GALNT5: variants seen among roughly 807,000 people sequenced by gnomAD.
GALNT5 encodes polypeptide N-acetylgalactosaminyltransferase 5, also known as UDP-GalNAc:polypeptide N-acetylgalactosaminyltransferase 5.
A neutral mutation model predicts 85.4 loss-of-function variants in GALNT5; 72 were observed. The observed-to-expected ratio is 0.84, with a 90% CI of 0.70 to 1.03. The LOEUF (loss-of-function observed/expected upper bound fraction) is 1.03, where lower values mean the gene tolerates loss of function less well. Ranked by LOEUF, GALNT5 falls within the 50% of genes least tolerant of loss-of-function variation. The pLI, the probability that GALNT5 is intolerant of heterozygous loss-of-function variation, is 0.00. For missense variants in GALNT5, 1,137 were observed against 1,135.5 expected, an observed-to-expected ratio of 1.00 and a Z score of -0.02; for synonymous variants, 404 against 397.0, an observed-to-expected ratio of 1.02 and a Z score of -0.21.
chr2:157,268,874 G>C (rs1199693764), intron 1 of GALNT5, among the ~76,000 whole-genome samples: 2 of 152,050 alleles, frequency 1.3e-5, no homozygotes, highest in Non-Finnish European at 1.5e-5. Context: ...TAATAAATAG[G>C]CATATAGAAT....
intron 3 of GALNT5, among the ~76,000 whole-genome samples, chr2:157,291,932 T>C (rs906404251): frequency 1.2e-4 from 18 of 152,146 alleles, no homozygotes; most frequent in East Asian, 3.9e-4. Flanking sequence ...TTTGAGGTGA[T>C]TGATATGCTA....
intron 1 of GALNT5, among the ~76,000 whole-genome samples, chr2:157,270,466 A>G (rs1682558245): frequency 6.6e-6 from 1 of 152,166 alleles, no homozygotes; most frequent in African/African-American, 2.4e-5. Context: ...TATTACATTA[A>G]CAGATAACCC....
chr2:157,260,015 T>TA (rs761190328), intron 1 of GALNT5, among the ~76,000 whole-genome samples: 5 of 152,240 alleles, frequency 3.3e-5, no homozygotes, highest in Non-Finnish European at 5.9e-5. Context: ...TTCTGCCTAA[T>TA]CATAAGTAAT....
chr2:157,266,841 T>C (rs1682468041), intron 1 of GALNT5, among the ~76,000 whole-genome samples: 1 of 152,236 alleles, frequency 6.6e-6, no homozygotes, highest in Admixed American at 6.5e-5. Context: ...AAAACACCTC[T>C]CTTCCTTATA....
intron 3 of GALNT5, among the ~76,000 whole-genome samples, chr2:157,294,446 G>C (rs887536697): frequency 6.6e-6 from 1 of 152,158 alleles, no homozygotes; most frequent in Non-Finnish European, 1.5e-5. Flanking sequence ...AGTCAGAGTC[G>C]AGCAAAGTGT....
intron 7 of GALNT5, among the ~76,000 whole-genome samples, chr2:157,304,785 C>T (rs1683418143): frequency 6.6e-6 from 1 of 152,160 alleles, no homozygotes; most frequent in African/African-American, 2.4e-5. Context: ...CTAAGCTAAG[C>T]ATGTAAAATT....
chr2:157,276,455 G>T (rs1682729051), intron 1 of GALNT5, among the ~76,000 whole-genome samples: 1 of 152,112 alleles, frequency 6.6e-6, no homozygotes, highest in South Asian at 2.1e-4. Flanking sequence ...ATCTGGTCCT[G>T]GACTTTTTTT....
intron 3 of GALNT5, among the ~76,000 whole-genome samples, chr2:157,294,940 A>G (rs947036447): frequency 6.9e-6 from 1 of 144,388 alleles, no homozygotes; most frequent in African/African-American, 2.5e-5. Context: ...TCTTAATACT[A>G]CTTCTGGCCT....
At chr2:157,273,939 A>C (rs1019716940) in intron 1 of GALNT5, among the ~76,000 whole-genome samples, 2 of 151,932 alleles carry the variant, frequency 1.3e-5, no homozygotes, top group Non-Finnish European at 2.9e-5. Flanking sequence ...CTCGTCATTT[A>C]CATTAGGTAT....
intron 3 of GALNT5, among the ~76,000 whole-genome samples, chr2:157,292,332 T>C (rs1683119143): frequency 6.6e-6 from 1 of 152,102 alleles, no homozygotes; most frequent in African/African-American, 2.4e-5. Flanking sequence ...CGCAGAGAGC[T>C]CCCTGTTTTC....
At chr2:157,267,529 A>G (rs1172799336) in intron 1 of GALNT5, among the ~76,000 whole-genome samples, 1 of 152,212 alleles carries the variant, frequency 6.6e-6, no homozygotes, top group African/African-American at 2.4e-5. Context: ...TCCAGGAGAA[A>G]AATGACTTGC....
At chr2:157,285,745 TACTC>T (rs903591561) in intron 2 of GALNT5, among the ~76,000 whole-genome samples, 1 of 152,168 alleles carries the variant, frequency 6.6e-6, no homozygotes, top group Admixed American at 6.5e-5. Flanking sequence ...CCTTGACAAA[TACTC>T]AGAAAGGTGT....
At chr2:157,303,923 T>C (rs1683401028) in intron 7 of GALNT5, among the ~76,000 whole-genome samples, 1 of 152,208 alleles carries the variant, frequency 6.6e-6, no homozygotes, top group Admixed American at 6.5e-5. Context: ...TGAGAAACAT[T>C]TGTACAACAT....
chr2:157,291,415 G>A (rs1683094584), intron 3 of GALNT5, among the ~76,000 whole-genome samples: 2 of 152,160 alleles, frequency 1.3e-5, no homozygotes, highest in Admixed American at 1.3e-4. Flanking sequence ...TGTATCTGCT[G>A]CAGGTAAAAA....
chr2:157,283,881 A>G (rs1182847639), intron 1 of GALNT5, among the ~76,000 whole-genome samples: 1 of 152,240 alleles, frequency 6.6e-6, no homozygotes, highest in Admixed American at 6.5e-5. Flanking sequence ...AAACTGAGGC[A>G]CAGAGAAGTT....
chr2:157,287,086 C>A lies in GALNT5; in HGVS notation c.1741+952C>A, dbSNP rs144308334. On this transcript the variant is annotated intron_variant, in intron 3 of 9. Coordinates refer to ENST00000259056, the MANE Select transcript of GALNT5 (RefSeq NM_014568.3). Reference sequence around the variant, plus strand: ...GTGATAGAAATGGTATACATCTCATCAAGAGGCATATAATATAACATAATA... The same window carrying A: ...GTGATAGAAATGGTATACATCTCATAAAGAGGCATATAATATAACATAATA... Among the ~76,000 whole-genome samples the A allele has an allele frequency of 1.3e-3, 203 of 152,194 alleles. 2 individuals carry two copies. Among genetic ancestry groups the A allele is most frequent in the African/African-American group, 4.8e-3 (200 of 41,524 alleles).
Position 157,258,630 on chromosome 2 carries a change from A to C in GALNT5, c.548A>C (p.Lys183Thr). ...FIAAKGTQVV[K>T]ISVHMGRVSL... ...GCAGCAAAAGGAACTCAGGTAGTCA[A>C]AATATCAGTACACATGGGACGTGTC... The change falls in exon 1 of 10, where the codon AAA (lysine) becomes ACA (threonine). Residue 183 changes from lysine to threonine, a missense_variant. Coordinates refer to ENST00000259056, the MANE Select transcript of GALNT5 (RefSeq NM_014568.3). 6.2e-7 allele frequency: 1 copy of C among 1,613,798 alleles called. No individual in the cohort carries two copies. The highest frequency in any genetic ancestry group is 1.1e-5 in the South Asian group (1 of 91,028).
rs751737017 is a variant in GALNT5 at position 157,308,656 on chromosome 2, G to T, written c.2610G>T (p.Leu870=). The T allele has an allele frequency of 1.9e-6, 3 of 1,613,490 alleles. No individual in the cohort carries two copies. The African/African-American group carries it at 4.0e-5, about 22-fold the overall frequency. ...APIPDKGAVR[L]HPCDNRNKGL... is the part of the protein sequence containing the mutation. ...TCCCTGATAAAGGAGCCGTAAGGCT[G>T]CACCCTTGTGATAACAGAAACAAAG... Residue 870 remains leucine (L), a synonymous_variant, in exon 9 of 10, where the codon CTG becomes CTT. Transcript: ENST00000259056.
rs1683768382 is a variant in GALNT5 at position 157,318,346 on chromosome 2, G to T, written c.*6998G>T. On this transcript the variant is annotated 3_prime_UTR_variant, in exon 10 of 10. Transcript: ENST00000259056. ...TTCTTCAAGTTGTTCGTGTTAAGAT[G>T]CATCTTAAACATGATCTCAGTTCCT... 6.6e-6 allele frequency among the ~76,000 whole-genome samples: 1 copy of T among 152,046 alleles called. No homozygotes were observed. Among genetic ancestry groups the T allele is most frequent in the Non-Finnish European group, 1.5e-5 (1 of 67,978 alleles).
Sources: gnomAD v4.1 joint callset for allele counts (sites outside exome capture counted in the v4.1 genomes callset) on GRCh38, gnomAD v4.1.1 for gene constraint, MANE v1.5 for transcripts, NCBI Gene and HGNC (gene_info 2026-07-23, HGNC 2026-07-21) for gene names.